The following UTY variants were observed in gnomAD, a reference collection of about 807,000 sequenced individuals.
UTY encodes histone demethylase UTY.
UTY carries 12 observed loss-of-function variants against 32.5 expected under a neutral mutation model. The observed-to-expected ratio is 0.37, with a 90% CI of 0.24 to 0.60. The LOEUF is 0.60. Ranked by LOEUF, UTY falls within the 20% of genes least tolerant of loss-of-function variation. The probability of loss-of-function intolerance (pLI) is 0.69; values close to 1 mark genes in which losing one functional copy is unlikely to be tolerated. For missense variants in UTY, 303 were observed against 299.2 expected, an observed-to-expected ratio of 1.01 and a Z score of -0.09; for synonymous variants, 131 against 103.4, an observed-to-expected ratio of 1.27 and a Z score of -1.62.
At chrY:13,318,847 A>C in intron 21 of UTY, among the ~76,000 whole-genome samples, 2 of 32,365 alleles carry the variant, frequency 6.2e-5, no homozygotes, top group Non-Finnish European at 1.5e-4. Flanking sequence ...TCTCAGGTAA[A>C]AATATAAAAA....
chrY:13,324,687 G>A lies in UTY; in HGVS notation c.2984C>T (p.Ala995Val). ...AAATTGATGTAATGGAGGAAAGAAA[G>A]CATCACGTTTATTTTCCAACTGTAA... is the stretch of plus-strand genomic sequence containing the variant. Reference protein sequence around the residue: ...PSIYLENKRDAFFPPLHQFCT... With the variant: ...PSIYLENKRDVFFPPLHQFCT... Residue 995 changes from alanine (A) to valine (V), a missense_variant, in exon 20 of 30, where the codon GCT becomes GTT. Coordinates refer to ENST00000545955, the MANE Select transcript of UTY (RefSeq NM_001258249.2). The A allele has an allele frequency of 2.5e-6, 1 of 396,234 alleles. No individual in the cohort carries two copies. Among genetic ancestry groups the A allele is most frequent in the South Asian group, 3.0e-5 (1 of 33,211 alleles).
At chrY:13,475,665 GGCAATTT>G (rs2078979849) in intron 2 of UTY, among the ~76,000 whole-genome samples, 1 of 33,738 alleles carries the variant, frequency 3.0e-5, no homozygotes, top group Admixed American at 2.7e-4. Flanking sequence ...AATCTTATTT[GGCAATTT>G]AAATAATATC....
chrY:13,269,607 CAAAA>C (rs1216505423), intron 27 of UTY, among the ~76,000 whole-genome samples: 2 of 30,457 alleles, frequency 6.6e-5, no homozygotes, highest in Non-Finnish European at 1.6e-4. Flanking sequence ...CAAAACAAAA[CAAAA>C]AAAAACTGCA....
intron 8 of UTY, 22 bp downstream of exon 8, chrY:13,393,837 G>A: frequency 2.7e-6 from 1 of 372,847 alleles, no homozygotes. Context: ...TTTCATTCTT[G>A]TTCTTAAGTT....
chrY:13,473,673 T>G, intron 2 of UTY, among the ~76,000 whole-genome samples: 3 of 33,327 alleles, frequency 9.0e-5, no homozygotes, highest in Non-Finnish European at 1.5e-4. Context: ...TCATCACCAC[T>G]ACACCTACCT....
chrY:13,368,385 G>C, intron 9 of UTY, among the ~76,000 whole-genome samples: 2 of 27,119 alleles, frequency 7.4e-5, no homozygotes, highest in Non-Finnish European at 1.7e-4. Flanking sequence ...TTTTTTCTTT[G>C]TTTGTTTGTT....
intron 6 of UTY, among the ~76,000 whole-genome samples, chrY:13,404,001 T>A: frequency 3.0e-5 from 1 of 33,753 alleles, no homozygotes; most frequent in Non-Finnish European, 7.4e-5. Context: ...AATGTAGACT[T>A]TGAGCTTGGT....
chrY:13,410,532 A>C, intron 6 of UTY, among the ~76,000 whole-genome samples: 1 of 33,518 alleles, frequency 3.0e-5, no homozygotes. Context: ...CTTAGAGTGA[A>C]TATTATATTA....
intron 28 of UTY, among the ~76,000 whole-genome samples, chrY:13,241,948 C>T: frequency 3.1e-5 from 1 of 32,165 alleles, no homozygotes; most frequent in Non-Finnish European, 7.6e-5. Context: ...GCATCTGTAA[C>T]CCAGCTACTA....
intron 15 of UTY, among the ~76,000 whole-genome samples, chrY:13,356,244 C>T: frequency 3.1e-5 from 1 of 32,159 alleles, no homozygotes; most frequent in Admixed American, 2.8e-4. Context: ...CAACCTCTGC[C>T]GCCTGGGATC....
chrY:13,421,926 G>C, intron 4 of UTY, among the ~76,000 whole-genome samples: 1 of 33,004 alleles, frequency 3.0e-5, no homozygotes, highest in Non-Finnish European at 7.5e-5. Context: ...GTTTTAAAAA[G>C]AGAGAAAGAG....
Position 13,356,035 on chromosome Y carries a change from T to G in UTY, c.1570-17A>C. Reference sequence around the variant, plus strand: ...TTCCAAGTGCTAGAAGAAAAGAGATTAATATAATCAAAGTTTAATCTAAAA... The same window carrying G: ...TTCCAAGTGCTAGAAGAAAAGAGATGAATATAATCAAAGTTTAATCTAAAA... On this transcript the variant is annotated splice_polypyrimidine_tract_variant and intron_variant, in intron 15 of 29. Coordinates refer to ENST00000545955, the MANE Select transcript of UTY (RefSeq NM_001258249.2). 3.1e-5 allele frequency: 11 copies of G among 350,166 alleles called. No homozygotes were observed. Among genetic ancestry groups the G allele is most frequent in the Non-Finnish European group, 4.4e-5 (11 of 249,765 alleles). 87.3% of individuals were successfully genotyped at this position (350,166 alleles called of 400,897 possible).
chrY:13,290,772 C>T (rs1465269287), intron 27 of UTY, among the ~76,000 whole-genome samples: 2 of 33,207 alleles, frequency 6.0e-5, no homozygotes, highest in Non-Finnish European at 1.5e-4. Flanking sequence ...ACCATGTTGG[C>T]CAGGCTGGTG....
chrY:13,406,398 C>CT lies in UTY; in HGVS notation c.555+4594dup, dbSNP rs2070026030. ...TGCTTCAAGAGTAATAAAACATGAC[C>CT]TTTTTTTTTTGTCCTAGTTTTGAAC... On this transcript the variant is annotated intron_variant, in intron 6 of 29. Transcript: ENST00000545955. Among the ~76,000 whole-genome samples the CT allele has an allele frequency of 1.7e-4, 5 of 28,710 alleles. No individual in the cohort carries two copies. In the South Asian group the frequency reaches 2.3e-3, roughly 13 times the overall value. The allele number at this position is 28,710 out of a possible 37,273, so 77.0% of individuals were successfully genotyped here.
intron 2 of UTY, among the ~76,000 whole-genome samples, chrY:13,471,464 A>C (rs766442521): frequency 1.2e-4 from 4 of 33,698 alleles, no homozygotes; most frequent in South Asian, 1.3e-3. Flanking sequence ...AGTACTTTAC[A>C]TAAATGTTCT....
chrY:13,240,932 G>A, intron 28 of UTY, among the ~76,000 whole-genome samples: 1 of 28,555 alleles, frequency 3.5e-5, no homozygotes, highest in Non-Finnish European at 8.2e-5. Context: ...GGTCAAGGCT[G>A]CAGTGAGCCA....
intron 21 of UTY, among the ~76,000 whole-genome samples, chrY:13,310,242 C>A (rs2058958734): frequency 3.3e-5 from 1 of 30,561 alleles, no homozygotes; most frequent in Non-Finnish European, 7.8e-5. Flanking sequence ...AAAAAAATTC[C>A]ATTTATCATG....
intron 28 of UTY, among the ~76,000 whole-genome samples, chrY:13,259,037 T>C (rs375525897): frequency 2.9e-5 from 1 of 34,736 alleles, no homozygotes; most frequent in South Asian, 6.2e-4. Flanking sequence ...CTTAAAGGCA[T>C]TCTTAAGCCA....
At chrY:13,382,478 G>A (rs2066245300) in intron 8 of UTY, among the ~76,000 whole-genome samples, 1 of 33,387 alleles carries the variant, frequency 3.0e-5, no homozygotes, top group Non-Finnish European at 7.4e-5. Flanking sequence ...TGTATCCCTG[G>A]GTCTTCATCT....
Sources: gnomAD v4.1 joint callset for allele counts (sites outside exome capture counted in the v4.1 genomes callset) on GRCh38, gnomAD v4.1.1 for gene constraint, MANE v1.5 for transcripts, NCBI Gene and HGNC (gene_info 2026-07-23, HGNC 2026-07-21) for gene names.